The following FST variants were observed in gnomAD, a reference collection of about 807,000 sequenced individuals.
The protein encoded by FST is follistatin, also known as activin-binding protein.
Under a neutral mutation model 38.4 loss-of-function variants are expected in FST, and 6 were observed. The ratio of observed to expected loss-of-function variants is 0.16; its 90% confidence interval spans 0.09 to 0.31. The LOEUF (loss-of-function observed/expected upper bound fraction) is 0.31, where lower values mean the gene tolerates loss of function less well. Among genes scored for constraint, FST ranks in the 10% least tolerant of loss-of-function variants. The pLI is 1.00. For synonymous variants in FST, 157 were observed against 169.8 expected (o/e 0.92, Z 0.59); for missense variants, 301 against 432.3 (o/e 0.70, Z 2.69).
intron 1 of FST, among the ~76,000 whole-genome samples, chr5:53,482,115 C>G (rs1007859045): frequency 6.6e-6 from 1 of 152,170 alleles, no homozygotes; most frequent in Non-Finnish European, 1.5e-5. Flanking sequence ...AAAACGGGCC[C>G]GTCGGGCTGG....
Position 53,483,168 on chromosome 5 carries a change from T to C in FST, c.277+97T>C, listed in dbSNP as rs1747346218. 1 of 823,840 alleles carries C rather than the reference T, an allele frequency of 1.2e-6. No individual in the cohort carries two copies. Among genetic ancestry groups the C allele is most frequent in the South Asian group, 1.6e-5 (1 of 61,848 alleles). The allele number at this position is 823,840 out of a possible 1,614,324, so 51.0% of individuals were successfully genotyped here. On this transcript the variant is annotated intron_variant, in intron 2 of 5. Coordinates refer to ENST00000256759, the MANE Select transcript of FST (RefSeq NM_013409.3). The surrounding 1 kb of genome is among the most constrained non-coding windows in gnomAD (Gnocchi z 4.1). ...ACTGGGGTTTGGGAGTAGGAGAGCT[T>C]TGTTCCTGGGCTTCCCCTTCCTGTC...
Position 53,483,516 on chromosome 5 carries a change from A to G in FST, c.290A>G (p.Asn97Ser). Residue 97 changes from asparagine (N) to serine (S), a missense_variant, in exon 3 of 6, where the codon AAC becomes AGC. Transcript: ENST00000256759. The surrounding 1 kb of genome is among the most constrained non-coding windows in gnomAD (Gnocchi z 4.1). ...NCIPCKETCENVDCGPGKKCR... is the reference protein window; with the variant it reads ...NCIPCKETCESVDCGPGKKCR... ...TTCTAACTCACAGAAACGTGTGAGAACGTGGACTGTGGACCTGGGAAAAAA... is the reference window on the plus strand; with the variant it reads ...TTCTAACTCACAGAAACGTGTGAGAGCGTGGACTGTGGACCTGGGAAAAAA... The G allele has an allele frequency of 6.2e-7, 1 of 1,613,508 alleles. No homozygotes were observed. Among genetic ancestry groups the G allele is most frequent in the Non-Finnish European group, 8.5e-7 (1 of 1,179,406 alleles).
rs781298102 is a variant in FST, at chr5:53,483,740, G to C, written c.496+18G>C. On this transcript the variant is annotated intron_variant, in intron 3 of 5. Transcript: ENST00000256759. This position sits in a 1 kb window ranked among gnomAD's most constrained non-coding sequence, Gnocchi z 4.1. ...ATGTAAAAGTAGGTCCTACCCTGTTGAGCAAGACTGGATCTGTCCCCTCCT... is the reference window on the plus strand; with the variant it reads ...ATGTAAAAGTAGGTCCTACCCTGTTCAGCAAGACTGGATCTGTCCCCTCCT... 1 of 1,565,624 alleles carries C rather than the reference G, an allele frequency of 6.4e-7. No homozygotes were observed. The highest frequency in any genetic ancestry group is 1.7e-5 in the Admixed American group (1 of 59,834).
rs753259547 is a variant in FST at position 53,485,008 on chromosome 5, T to A, written c.733T>A (p.Cys245Ser). Residue 245 changes from cysteine to serine, a missense_variant, in exon 5 of 6, where the codon TGT becomes AGT. By Grantham distance (112) the Cys-to-Ser change is moderately radical. Coordinates refer to ENST00000256759, the MANE Select transcript of FST (RefSeq NM_013409.3). ...YEGKCIKAKSCEDIQCTGGKK... is the reference protein window; with the variant it reads ...YEGKCIKAKSSEDIQCTGGKK... ...GTATTATATCCTAGAAGCAAAGTCC[T>A]GTGAAGATATCCAGTGCACTGGTGG... 1 of 1,577,456 alleles carries A rather than the reference T, an allele frequency of 6.3e-7. No individual in the cohort carries two copies. Among genetic ancestry groups the A allele is most frequent in the Non-Finnish European group, 8.7e-7 (1 of 1,146,488 alleles).
At position 53,486,012 on chromosome 5, in the gene FST, A is replaced by C; in HGVS notation, c.1014A>C (p.Ile338=). 6.4e-7 allele frequency: 1 copy of C among 1,566,212 alleles called. No homozygotes were observed. The highest frequency in any genetic ancestry group is 8.7e-7 in the Non-Finnish European group (1 of 1,149,770). The part of the protein sequence containing the change: ...EDEDQDYSFP[I]SSILEW Reference sequence around the variant, plus strand: ...AAGACCAGGACTACAGCTTTCCTATATCTTCTATTCTAGAGTGGTAAACTC... The same window carrying C: ...AAGACCAGGACTACAGCTTTCCTATCTCTTCTATTCTAGAGTGGTAAACTC... Residue 338 remains isoleucine, a synonymous_variant, in exon 6 of 6, where the codon ATA becomes ATC. Coordinates refer to ENST00000256759, the MANE Select transcript of FST (RefSeq NM_013409.3).
In FST at chr5:53,484,166, G is replaced by T. The variant is rs1468010128; in HGVS notation, c.594G>T (p.Glu198Asp). 6.2e-7 allele frequency: 1 copy of T among 1,613,196 alleles called. No individual in the cohort carries two copies. Among genetic ancestry groups the T allele is most frequent in the South Asian group, 1.1e-5 (1 of 91,070 alleles). ...TGACCTGTAATCGGATTTGCCCAGA[G>T]CCTGCTTCCTCTGAGCAATATCTCT... The part of the protein sequence containing the change: ...YCVTCNRICP[E>D]PASSEQYLCG... The change falls in exon 4 of 6, where the codon GAG becomes GAT. Residue 198 changes from glutamate (E) to aspartate (D), a missense_variant. Physicochemically the swap from Glu to Asp is conservative, Grantham distance 45. Coordinates refer to ENST00000256759, the MANE Select transcript of FST (RefSeq NM_013409.3).
intron 3 of FST, 35 bp from the exon 4 acceptor site, chr5:53,484,034 G>T (rs776242812): frequency 8.8e-6 from 14 of 1,585,320 alleles, no homozygotes; most frequent in Non-Finnish European, 1.1e-5. Context: ...GGACTAGAAG[G>T]TACCTATTCA....
chr5:53,485,958 G>C lies in FST; in HGVS notation c.960G>C (p.Ser320=). 2.5e-6 allele frequency: 4 copies of C among 1,606,766 alleles called. No homozygotes were observed. The change falls in exon 6 of 6, where the codon TCG becomes TCC. Residue 320 remains serine (S), a synonymous_variant. Coordinates refer to ENST00000256759, the MANE Select transcript of FST (RefSeq NM_013409.3). ...CTGTATTCCCCCATCTAGCCATTTC[G>C]GAAGACACCGAGGAAGAGGAGGAAG... ...VKHSGSCNSI[S]EDTEEEEEDE... is the part of the protein sequence containing the mutation.
Position 53,482,752 on chromosome 5 carries a change from A to C in FST, c.86-128A>C, listed in dbSNP as rs1579763059. 3 of 558,618 alleles carry C rather than the reference A, an allele frequency of 5.4e-6. No individual in the cohort carries two copies. In the East Asian group the frequency reaches 9.3e-5, roughly 17 times the overall value. The allele number at this position is 558,618 out of a possible 1,614,324, so 34.6% of individuals were successfully genotyped here. On this transcript the variant is annotated intron_variant, in intron 1 of 5. Coordinates refer to ENST00000256759, the MANE Select transcript of FST (RefSeq NM_013409.3). Reference sequence around the variant, plus strand: ...CCTACTTTTCTCCCGCGTCTCTCTCACTTCCCCTCCTCCACGCTCACCCCC... The same window carrying C: ...CCTACTTTTCTCCCGCGTCTCTCTCCCTTCCCCTCCTCCACGCTCACCCCC...
chr5:53,485,091 G>C lies in FST; in HGVS notation c.816G>C (p.Glu272Asp). 1 of 1,611,458 alleles carries C rather than the reference G, an allele frequency of 6.2e-7. No individual in the cohort carries two copies. The highest frequency in any genetic ancestry group is 8.5e-7 in the Non-Finnish European group (1 of 1,177,552). Residue 272 changes from glutamate to aspartate, a missense_variant, in exon 5 of 6, where the codon GAG (glutamate) becomes GAC (aspartate). By Grantham distance (45) the Glu-to-Asp change is conservative (BLOSUM62 2). Coordinates refer to ENST00000256759, the MANE Select transcript of FST (RefSeq NM_013409.3). The part of the protein sequence containing the change: ...VGRGRCSLCD[E>D]LCPDSKSDEP... ...GAGGCCGGTGTTCCCTCTGTGATGA[G>C]CTGTGCCCTGACAGTAAGTCGGATG...
In FST at chr5:53,486,558, TG is replaced by T. The variant is rs933570631; in HGVS notation, c.*527del. The T allele has an allele frequency of 2.0e-5, 3 of 153,290 alleles. No homozygotes were observed. The highest frequency in any genetic ancestry group is 7.2e-5 in the African/African-American group (3 of 41,606). The allele number at this position is 153,290 out of a possible 1,614,324, so 9.5% of individuals were successfully genotyped here. ...GTCAGTTTCTGTCATGTTTATTTAT[TG>T]GATTCTCTGCTGCCTGATCTGTACA... On this transcript the variant is annotated 3_prime_UTR_variant, in exon 6 of 6. Coordinates refer to ENST00000256759, the MANE Select transcript of FST (RefSeq NM_013409.3).
At chr5:53,481,462 CAAAAAAAAAA>C (rs70983342) in intron 1 of FST, among the ~76,000 whole-genome samples, 14 of 48,068 alleles carry the variant, frequency 2.9e-4, no homozygotes, top group South Asian at 1.3e-3. Context: ...CCCATTCTCG[CAAAAAAAAAA>C]AAAAAAAAAA....
At chr5:53,482,794 G>T (rs543630688) in intron 1 of FST, 86 bp from the exon 2 acceptor site, 1 of 725,682 alleles carries the variant, frequency 1.4e-6, no homozygotes, top group East Asian at 2.8e-5. Context: ...TCCCCGCCGG[G>T]TCTCCTTCGC....
chr5:53,482,675 T>G, intron 1 of FST: 8 of 476,648 alleles, frequency 1.7e-5, no homozygotes, highest in East Asian at 3.6e-5. Context: ...TGATCAGGGC[T>G]TCCCCCTCCA....
rs3083659 is a variant in FST, at chr5:53,486,072, C to CA, written c.*60dup. On this transcript the variant is annotated 3_prime_UTR_variant, in exon 6 of 6. Transcript: ENST00000256759. ...GTTCAGTGTTGACATAGCCTTTGTGCAAAAAAAAAAAAAAAAAAAAAGAAA... is the reference window on the plus strand; with the variant it reads ...GTTCAGTGTTGACATAGCCTTTGTGCAAAAAAAAAAAAAAAAAAAAAAGAAA... The CA allele has an allele frequency of 0.027, 7,070 of 264,998 alleles. 130 individuals are homozygous for CA. Among genetic ancestry groups the CA allele is most frequent in the African/African-American group, 0.086 (1,859 of 21,502 alleles). 16.4% of individuals were successfully genotyped at this position (264,998 alleles called of 1,614,324 possible).
At chr5:53,484,487 T>C (rs1438665917) in intron 4 of FST, among the ~76,000 whole-genome samples, 194 bp downstream of exon 4, 1 of 152,238 alleles carries the variant, frequency 6.6e-6, no homozygotes, top group Non-Finnish European at 1.5e-5. Flanking sequence ...TTGACACATA[T>C]ATTCAAATGC....
chr5:53,485,562 TCCAACGA>T, intron 5 of FST: 1 of 655,892 alleles, frequency 1.5e-6, no homozygotes, highest in Non-Finnish European at 2.7e-6. Context: ...TTTTTTTTTT[TCCAACGA>T]CAGCTTCATA....
At chr5:53,482,651 A>C (rs1579762652) in intron 1 of FST, 40 of 417,980 alleles carry the variant, frequency 9.6e-5, no homozygotes, top group South Asian at 2.0e-4. Flanking sequence ...CCTCTCGCCC[A>C]CCTCCCATCT....
At position 53,486,113 on chromosome 5, in the gene FST, AT is replaced by A; in HGVS notation, c.*81del. The stretch of plus-strand genomic sequence containing the variant: ...AAAAAAGAAAAAGAAAAAAAGAAAA[AT>A]ATATTGTCCATACTGTAAATAAGTG... On this transcript the variant is annotated 3_prime_UTR_variant, in exon 6 of 6. Coordinates refer to ENST00000256759, the MANE Select transcript of FST (RefSeq NM_013409.3). The A allele has an allele frequency of 1.3e-6, 1 of 746,154 alleles. No individual in the cohort carries two copies. Among genetic ancestry groups the A allele is most frequent in the Non-Finnish European group, 2.2e-6 (1 of 454,236 alleles). The allele number at this position is 746,154 out of a possible 1,614,324, so 46.2% of individuals were successfully genotyped here.
Sources: gnomAD v4.1 joint callset for allele counts (sites outside exome capture counted in the v4.1 genomes callset) on GRCh38, gnomAD v4.1.1 for gene constraint, Gnocchi (gnomAD v3.1) non-coding constraint, MANE v1.5 for transcripts, NCBI Gene and HGNC (gene_info 2026-07-23, HGNC 2026-07-21) for gene names.